Variants in PPFIBP1 observed in about 807,000 individuals in gnomAD.
The protein encoded by PPFIBP1 is liprin-beta-1.
In PPFIBP1, 112 loss-of-function variants were observed where a neutral mutation model predicts 137.8. The observed-to-expected ratio is 0.81, with a 90% CI of 0.70 to 0.95. The LOEUF is 0.95. PPFIBP1 is among the 40% of genes least tolerant of loss of function. PPFIBP1 has a pLI of 0.00. For synonymous variants in PPFIBP1, 378 were observed against 417.3 expected, an observed-to-expected ratio of 0.91 and a Z score of 1.15; for missense variants, 1,083 against 1,196.6, an observed-to-expected ratio of 0.91 and a Z score of 1.40.
At chr12:27,680,722 A>G (rs2060825923) in intron 21 of PPFIBP1, among the ~76,000 whole-genome samples, 1 of 152,206 alleles carries the variant, frequency 6.6e-6, no homozygotes, top group South Asian at 2.1e-4. Flanking sequence ...ACTCTTAACC[A>G]AAGTTTAGGG....
chr12:27,604,484 C>A lies in PPFIBP1; in HGVS notation c.-36+26245C>A, dbSNP rs76403457. The stretch of plus-strand genomic sequence containing the variant: ...TCATCACAGAGTTCCCATTAGTAGA[C>A]CTGCCTGTGGGCCAAAACCTCCTGC... On this transcript the variant is annotated intron_variant, in intron 2 of 29. Transcript: ENST00000228425. Among the ~76,000 whole-genome samples the A allele has an allele frequency of 1.8e-3, 281 of 152,270 alleles. 6 individuals carry two copies. The East Asian group carries it at 0.042, about 23-fold the overall frequency.
At chr12:27,647,491 G>A (rs2058599280) in intron 5 of PPFIBP1, among the ~76,000 whole-genome samples, 1 of 151,856 alleles carries the variant, frequency 6.6e-6, no homozygotes, top group Non-Finnish European at 1.5e-5. Flanking sequence ...AAAAAGTATT[G>A]TACATTCCTA....
intron 14 of PPFIBP1, among the ~76,000 whole-genome samples, chr12:27,671,928 T>G (rs2060224042): frequency 6.6e-6 from 1 of 151,844 alleles, no homozygotes; most frequent in Non-Finnish European, 1.5e-5. Context: ...AAAAATTAGC[T>G]GAGTATGGTG....
intron 12 of PPFIBP1, among the ~76,000 whole-genome samples, chr12:27,666,908 GAGTCAATGTATCGAGT>G (rs2140082930): frequency 1.3e-5 from 2 of 152,310 alleles, no homozygotes; most frequent in South Asian, 4.1e-4. Context: ...TCAATCTGAT[GAGTCAATGTATCGAGT>G]ATGACTTTGT....
At chr12:27,574,910 G>A (rs1408598443) in intron 1 of PPFIBP1, among the ~76,000 whole-genome samples, 1 of 152,152 alleles carries the variant, frequency 6.6e-6, no homozygotes, top group African/African-American at 2.4e-5. Context: ...TAAGAGCAAA[G>A]CTCTTAAAAT....
rs140711469 is a variant in PPFIBP1, at chr12:27,579,258, G to T, written c.-36+1019G>T. On this transcript the variant is annotated intron_variant, in intron 2 of 29. Coordinates refer to ENST00000228425, the MANE Select transcript of PPFIBP1 (RefSeq NM_003622.4). ...ACAGTTGATCTTATGCAAACCAAAG[G>T]GCACGGACCAGATGCTTTCAAGGGT... is the stretch of plus-strand genomic sequence containing the variant. Among the ~76,000 whole-genome samples the T allele has an allele frequency of 2.7e-3, 407 of 152,312 alleles. 1 individual carries two copies. The highest frequency in any genetic ancestry group is 9.0e-3 in the African/African-American group (375 of 41,560).
chr12:27,618,534 TAAC>T (rs2056014643), intron 2 of PPFIBP1, among the ~76,000 whole-genome samples: 1 of 152,184 alleles, frequency 6.6e-6, no homozygotes, highest in Non-Finnish European at 1.5e-5. Flanking sequence ...CTTTAGATAA[TAAC>T]AACTTTTTCA....
intron 1 of PPFIBP1, among the ~76,000 whole-genome samples, chr12:27,576,951 T>C (rs2050617301): frequency 6.6e-6 from 1 of 152,210 alleles, no homozygotes; most frequent in South Asian, 2.1e-4. Context: ...CTGTTTACTT[T>C]CAGAGCGCAC....
rs2881468 is a variant in PPFIBP1 at position 27,634,934 on chromosome 12, A to C, written c.89A>C (p.Asn30Thr). The C allele has an allele frequency of 1.2e-6, 2 of 1,614,018 alleles. No homozygotes were observed. The highest frequency in any genetic ancestry group is 1.7e-6 in the Non-Finnish European group (2 of 1,179,928). ...IAGSKALEYS[N>T]GIFDCQSPTS... Reference sequence around the variant, plus strand: ...GGTTCTAAGGCTCTGGAATATTCCAATGGGATTTTTGATTGCCAATCTCCC... The same window carrying C: ...GGTTCTAAGGCTCTGGAATATTCCACTGGGATTTTTGATTGCCAATCTCCC... The change falls in exon 4 of 30, where the codon AAT becomes ACT. Residue 30 changes from asparagine to threonine, a missense_variant. Asn to Thr is a moderately conservative substitution (Grantham distance 65). Coordinates refer to ENST00000228425, the MANE Select transcript of PPFIBP1 (RefSeq NM_003622.4).
chr12:27,570,229 AGTT>A (rs1482441295), intron 1 of PPFIBP1, among the ~76,000 whole-genome samples: 1 of 152,194 alleles, frequency 6.6e-6, no homozygotes, highest in Admixed American at 6.5e-5. Context: ...ACTTAAATAA[AGTT>A]GTATTTTACA....
intron 2 of PPFIBP1, among the ~76,000 whole-genome samples, chr12:27,622,893 T>C (rs1298592635): frequency 1.3e-5 from 2 of 152,236 alleles, no homozygotes; most frequent in Non-Finnish European, 2.9e-5. Flanking sequence ...GATTTTAGTC[T>C]AATAATTCTA....
intron 1 of PPFIBP1, 51 bp downstream of exon 1, chr12:27,524,416 G>T (rs1367449637): frequency 6.6e-6 from 1 of 152,098 alleles, no homozygotes; most frequent in Non-Finnish European, 1.5e-5. Flanking sequence ...GCACCGTTGT[G>T]TGGCTGCAGC....
At position 27,611,728 on chromosome 12, in the gene PPFIBP1, T is replaced by G. The variant is rs1476275262; in HGVS notation, c.-35-21634T>G. ...CATAAAGTAGTTGAATTTTATTTCT[T>G]TTTCCCAGATCCGACCCACCAGAGG... On this transcript the variant is annotated intron_variant, in intron 2 of 29. Coordinates refer to ENST00000228425, the MANE Select transcript of PPFIBP1 (RefSeq NM_003622.4). 3.3e-5 allele frequency among the ~76,000 whole-genome samples: 5 copies of G among 152,148 alleles called. No homozygotes were observed. In the South Asian group the frequency reaches 1.0e-3, roughly 32 times the overall value.
rs571603937 is a variant in PPFIBP1 at position 27,543,729 on chromosome 12, A to G, written c.-124+19364A>G. ...TTAGAGTTCAAGGATCAAATTGAGCATACCGTTGGCTAAATCTTATAACGT... is the reference window on the plus strand; with the variant it reads ...TTAGAGTTCAAGGATCAAATTGAGCGTACCGTTGGCTAAATCTTATAACGT... On this transcript the variant is annotated intron_variant, in intron 1 of 29. Coordinates refer to ENST00000228425, the MANE Select transcript of PPFIBP1 (RefSeq NM_003622.4). 3.9e-5 allele frequency among the ~76,000 whole-genome samples: 6 copies of G among 152,310 alleles called. No homozygotes were observed. In the South Asian group the frequency reaches 1.2e-3, roughly 32 times the overall value.
chr12:27,563,277 T>TAAAAAAAAA (rs869044515), intron 1 of PPFIBP1, among the ~76,000 whole-genome samples: 244 of 22,168 alleles, frequency 0.011, 39 homozygotes, highest in African/African-American at 0.029. Context: ...CCATCTCTAC[T>TAAAAAAAAA]AAAAAAAAAA....
intron 12 of PPFIBP1, 135 bp from the exon 13 acceptor site, chr12:27,667,031 A>G: frequency 1.1e-6 from 1 of 884,450 alleles, no homozygotes; most frequent in East Asian, 2.8e-5. Flanking sequence ...AAGGGCTGCC[A>G]GGAGAAGCTG....
intron 1 of PPFIBP1, among the ~76,000 whole-genome samples, chr12:27,551,165 A>G (rs1946739653): frequency 6.6e-6 from 1 of 152,130 alleles, no homozygotes; most frequent in Admixed American, 6.6e-5. Flanking sequence ...AAGTTTACTT[A>G]TAACCACGAC....
Position 27,664,402 on chromosome 12 carries a change from A to T in PPFIBP1, c.947A>T (p.Tyr316Phe). 2 of 1,613,200 alleles carry T rather than the reference A, an allele frequency of 1.2e-6. No homozygotes were observed. The highest frequency in any genetic ancestry group is 1.7e-5 in the Admixed American group (1 of 60,032). The change falls in exon 12 of 30, where the codon TAC (tyrosine) becomes TTC (phenylalanine). Residue 316 changes from tyrosine to phenylalanine, a missense_variant. Physicochemically the swap from Tyr to Phe is conservative, Grantham distance 22 (BLOSUM62 3). Transcript: ENST00000228425. Reference sequence around the variant, plus strand: ...GATCTTCGACAGTGCCTGAACAGGTACAAGAAAATGCAAGACACGGTGGTA... The same window carrying T: ...GATCTTCGACAGTGCCTGAACAGGTTCAAGAAAATGCAAGACACGGTGGTA... ...IEDLRQCLNR[Y>F]KKMQDTVVLA...
At position 27,591,896 on chromosome 12, in the gene PPFIBP1, A is replaced by G. The variant is rs535380890; in HGVS notation, c.-36+13657A>G. 7.2e-5 allele frequency among the ~76,000 whole-genome samples: 11 copies of G among 152,338 alleles called. No homozygotes were observed. In the East Asian group the frequency reaches 1.9e-3, roughly 27 times the overall value. On this transcript the variant is annotated intron_variant, in intron 2 of 29. Coordinates refer to ENST00000228425, the MANE Select transcript of PPFIBP1 (RefSeq NM_003622.4). ...TAATTTCCTCAGTGACTCAATACCT[A>G]CTGCCACTCACTCAAGCCCTGCAAG...
Sources: gnomAD v4.1 joint callset for allele counts (sites outside exome capture counted in the v4.1 genomes callset) on GRCh38, gnomAD v4.1.1 for gene constraint, MANE v1.5 for transcripts, NCBI Gene and HGNC (gene_info 2026-07-23, HGNC 2026-07-21) for gene names.